The following DLGAP4 variants were observed in gnomAD, a reference collection of about 807,000 sequenced individuals.
The protein encoded by DLGAP4 is DLG associated protein 4.
A neutral mutation model predicts 86.9 loss-of-function variants in DLGAP4; 18 were observed. The ratio of observed to expected loss-of-function variants is 0.21; its 90% CI spans 0.14 to 0.31. The LOEUF (loss-of-function observed/expected upper bound fraction) is 0.31. Ranked by LOEUF, DLGAP4 falls within the 10% of genes least tolerant of loss-of-function variation. The pLI, the probability that DLGAP4 is intolerant of heterozygous loss-of-function variation, is 1.00. For synonymous variants in DLGAP4, 548 were observed against 574.3 expected (o/e 0.95, Z 0.65); for missense variants, 1,085 against 1,362.6 (o/e 0.80, Z 3.21).
intron 2 of DLGAP4, among the ~76,000 whole-genome samples, chr20:36,392,843 A>T (rs902235720): frequency 4.6e-5 from 7 of 152,182 alleles, no homozygotes; most frequent in Admixed American, 4.6e-4. Context: ...AAACGAACAG[A>T]TGCTGTGCTC....
At chr20:36,419,793 G>A (rs533406590) in intron 2 of DLGAP4, among the ~76,000 whole-genome samples, 4 of 152,346 alleles carry the variant, frequency 2.6e-5, no homozygotes, top group East Asian at 3.9e-4. Flanking sequence ...AGCAGAAGCT[G>A]CAGTGTCTTT....
At chr20:36,426,563 G>A (rs1005802284) in intron 2 of DLGAP4, among the ~76,000 whole-genome samples, 16 of 152,076 alleles carry the variant, frequency 1.1e-4, no homozygotes, top group African/African-American at 3.9e-4. Context: ...GGGGCTAGGA[G>A]AAGGAGGAGA....
intron 2 of DLGAP4, among the ~76,000 whole-genome samples, chr20:36,423,455 CAAAAAAAAA>C (rs11434258): frequency 1.2e-4 from 2 of 16,338 alleles, no homozygotes; most frequent in African/African-American, 3.0e-4. Context: ...GACTCCGTCT[CAAAAAAAAA>C]AAAAAAAAAA....
intron 10 of DLGAP4, among the ~76,000 whole-genome samples, chr20:36,506,322 T>C (rs923243571): frequency 6.6e-6 from 1 of 152,220 alleles, no homozygotes; most frequent in Non-Finnish European, 1.5e-5. Context: ...GCAAAGGAAA[T>C]TATGTCATAC....
intron 1 of DLGAP4, among the ~76,000 whole-genome samples, chr20:36,341,738 T>C (rs1028393408): frequency 6.6e-6 from 1 of 152,180 alleles, no homozygotes; most frequent in Non-Finnish European, 1.5e-5. Flanking sequence ...TGGCAAATAT[T>C]GGGTGGGTGA....
Position 36,432,102 on chromosome 20 carries a change from G to T in DLGAP4, c.385G>T (p.Ala129Ser). ...FSTLQFPRGE[A>S]KARGESPGRI... ...CACCCTCCAATTTCCCCGTGGCGAGGCCAAGGCCCGTGGTGAGAGCCCTGG... is the reference window on the plus strand; with the variant it reads ...CACCCTCCAATTTCCCCGTGGCGAGTCCAAGGCCCGTGGTGAGAGCCCTGG... The change falls in exon 3 of 13, where the codon GCC becomes TCC. Residue 129 changes from alanine (A) to serine (S), a missense_variant. Around this residue, in one of 2 missense-constraint regions of DLGAP4, gnomAD observed 1,082 missense variants for 1,344.1 expected, o/e 0.81. Transcript: ENST00000339266. This position sits in a 1 kb window ranked among gnomAD's most constrained non-coding sequence, Gnocchi z 6.5. The T allele has an allele frequency of 3.1e-6, 5 of 1,614,160 alleles. No individual in the cohort carries two copies. Among genetic ancestry groups the T allele is most frequent in the Non-Finnish European group, 4.2e-6 (5 of 1,180,044 alleles).
chr20:36,394,239 G>A (rs1300255954), intron 2 of DLGAP4, among the ~76,000 whole-genome samples: 6 of 152,168 alleles, frequency 3.9e-5, no homozygotes, highest in South Asian at 2.1e-4. Context: ...TGCTGTCACC[G>A]TTATCCGCCC....
intron 1 of DLGAP4, among the ~76,000 whole-genome samples, chr20:36,333,336 T>C (rs1335645362): frequency 1.3e-5 from 2 of 152,168 alleles, no homozygotes; most frequent in Non-Finnish European, 2.9e-5. Context: ...GAGGGTTTTT[T>C]TTTCTAAAAC....
chr20:36,344,380 C>T (rs141371075), intron 1 of DLGAP4, among the ~76,000 whole-genome samples: 21 of 152,146 alleles, frequency 1.4e-4, no homozygotes, highest in Non-Finnish European at 2.9e-4. Flanking sequence ...GTCAGCCTCC[C>T]GAAATAATAA....
At chr20:36,341,438 TG>T (rs1267846166) in intron 1 of DLGAP4, among the ~76,000 whole-genome samples, 3 of 152,232 alleles carry the variant, frequency 2.0e-5, no homozygotes, top group African/African-American at 7.2e-5. Context: ...GTGCCTGGCA[TG>T]TACCAACGAT....
intron 2 of DLGAP4, among the ~76,000 whole-genome samples, chr20:36,397,003 C>T (rs2032020955): frequency 6.6e-6 from 1 of 152,148 alleles, no homozygotes; most frequent in African/African-American, 2.4e-5. Flanking sequence ...TCTTTATTCC[C>T]ATATTCCAGG....
chr20:36,412,979 C>CTTTTTT (rs71184093), intron 2 of DLGAP4, among the ~76,000 whole-genome samples: 2 of 110,860 alleles, frequency 1.8e-5, no homozygotes, highest in Non-Finnish European at 1.8e-5. Context: ...GAACTCTTTT[C>CTTTTTT]TTTTTTTTTT....
intron 2 of DLGAP4, among the ~76,000 whole-genome samples, chr20:36,379,636 G>T (rs1369249538): frequency 6.6e-6 from 1 of 152,158 alleles, no homozygotes; most frequent in Non-Finnish European, 1.5e-5. Context: ...TGGTTGTGGG[G>T]AGGGGCTTCC....
intron 10 of DLGAP4, among the ~76,000 whole-genome samples, chr20:36,511,378 T>C (rs1247226490): frequency 6.6e-6 from 1 of 151,786 alleles, no homozygotes. Context: ...AACTTTGAGA[T>C]TTTTTTGTAG....
At chr20:36,386,856 C>A (rs1207603217) in intron 2 of DLGAP4, among the ~76,000 whole-genome samples, 1 of 152,220 alleles carries the variant, frequency 6.6e-6, no homozygotes, top group Non-Finnish European at 1.5e-5. Flanking sequence ...GATTTTCTTA[C>A]ATAAATTATA....
chr20:36,514,089 C>T (rs914238305), intron 10 of DLGAP4, among the ~76,000 whole-genome samples: 4 of 152,010 alleles, frequency 2.6e-5, no homozygotes, highest in East Asian at 1.9e-4. Flanking sequence ...GAACACTTAG[C>T]GGTGGAAAGG....
intron 6 of DLGAP4, among the ~76,000 whole-genome samples, chr20:36,444,772 C>T (rs1347165551): frequency 6.6e-6 from 1 of 152,026 alleles, no homozygotes; most frequent in Non-Finnish European, 1.5e-5. Context: ...TCCCAAGTAG[C>T]TGGCACCACA....
intron 2 of DLGAP4, among the ~76,000 whole-genome samples, chr20:36,397,816 T>G (rs974153266): frequency 2.0e-5 from 3 of 152,232 alleles, no homozygotes; most frequent in African/African-American, 7.2e-5. Context: ...AGATTGGCTT[T>G]GCAGCTTAAA....
intron 1 of DLGAP4, among the ~76,000 whole-genome samples, chr20:36,323,354 T>C (rs903796346): frequency 4.6e-5 from 7 of 152,164 alleles, no homozygotes; most frequent in African/African-American, 1.7e-4. Flanking sequence ...AACAACATCA[T>C]GCAGATTGTC....
Sources: allele counts gnomAD v4.1 joint callset (sites outside exome capture counted in the v4.1 genomes callset), GRCh38; gene constraint gnomAD v4.1.1; regional missense constraint gnomAD v4.1.1; non-coding constraint Gnocchi (gnomAD v3.1); transcripts MANE v1.5; gene names NCBI Gene and HGNC (gene_info 2026-07-23, HGNC 2026-07-21).